The following GPHN variants were observed in gnomAD, a reference collection of about 807,000 sequenced individuals.
GPHN encodes gephyrin.
In GPHN, 17 loss-of-function variants were observed where a neutral mutation model predicts 95.5. The observed-to-expected ratio is 0.18, with a 90% CI of 0.12 to 0.27. The LOEUF (loss-of-function observed/expected upper bound fraction) is 0.27, where lower values mean the gene tolerates loss of function less well. GPHN is among the 10% of genes least tolerant of loss of function. The pLI is 1.00. For missense variants in GPHN, 660 were observed against 978.1 expected, an observed-to-expected ratio of 0.67 and a Z score of 4.34; for synonymous variants, 320 against 322.5, an observed-to-expected ratio of 0.99 and a Z score of 0.08.
At chr14:67,511,979 G>A in the GPHN span, among the ~76,000 whole-genome samples, 3 of 152,216 alleles carry the variant, frequency 2.0e-5, no homozygotes, top group South Asian at 2.1e-4. Context: ...GCAGCATGGG[G>A]CATCCCACAG....
intron 2 of GPHN, among the ~76,000 whole-genome samples, chr14:66,690,325 A>G (rs1017150511): frequency 3.3e-5 from 5 of 152,080 alleles, no homozygotes; most frequent in African/African-American, 4.8e-5. Context: ...CAATTTCCCT[A>G]TATTCTCACA....
chr14:67,082,024 C>T (rs112432778), intron 11 of GPHN, among the ~76,000 whole-genome samples: 1 of 151,976 alleles, frequency 6.6e-6, no homozygotes, highest in Admixed American at 6.6e-5. Flanking sequence ...TTTGAAGTCA[C>T]GTAGTGTGAT....
chr14:67,387,331 A>T, the GPHN span: 1 of 1,609,350 alleles, frequency 6.2e-7, no homozygotes, highest in Non-Finnish European at 8.5e-7. Flanking sequence ...GGTCCTTGTC[A>T]TGTTAGCTTT....
At chr14:66,672,143 T>C (rs1420244697) in intron 1 of GPHN, among the ~76,000 whole-genome samples, 1 of 152,164 alleles carries the variant, frequency 6.6e-6, no homozygotes, top group Non-Finnish European at 1.5e-5. Context: ...TAAATTATGG[T>C]ATCATTATTT....
At chr14:67,283,718 A>G in the GPHN span, among the ~76,000 whole-genome samples, 15 of 152,322 alleles carry the variant, frequency 9.8e-5, no homozygotes, top group East Asian at 9.6e-4. Context: ...AATTAGACCT[A>G]AAGATGTAAA....
intron 10 of GPHN, among the ~76,000 whole-genome samples, chr14:67,033,209 T>A (rs1203671009): frequency 1.3e-5 from 2 of 151,970 alleles, no homozygotes; most frequent in Admixed American, 6.5e-5. Flanking sequence ...GGAAGACAGG[T>A]CATTTGAAAT....
At chr14:67,328,817 G>A in the GPHN span, among the ~76,000 whole-genome samples, 1,812 of 152,290 alleles carry the variant, frequency 0.012, 19 homozygotes, top group Non-Finnish European at 0.018. Context: ...TGAGGGCTCT[G>A]TTCTGTTCCA....
At chr14:66,726,922 T>C (rs1460223049) in intron 2 of GPHN, among the ~76,000 whole-genome samples, 1 of 152,214 alleles carries the variant, frequency 6.6e-6, no homozygotes, top group Non-Finnish European at 1.5e-5. Context: ...AAGGTATATA[T>C]GAAACATAAA....
At chr14:67,432,754 G>A in the GPHN span, among the ~76,000 whole-genome samples, 2,235 of 152,164 alleles carry the variant, frequency 0.015, 28 homozygotes, top group Middle Eastern at 0.048. Flanking sequence ...GGAGAATCTC[G>A]GGCTTCTCTG....
Position 67,143,465 on chromosome 14 carries a change from C to T in GPHN, c.1836+16C>T. The T allele has an allele frequency of 6.9e-7, 1 of 1,457,068 alleles. No individual in the cohort carries two copies. The highest frequency in any genetic ancestry group is 9.6e-7 in the Non-Finnish European group (1 of 1,036,800). The allele number at this position is 1,457,068 out of a possible 1,614,324, so 90.3% of individuals were successfully genotyped here. On this transcript the variant is annotated intron_variant, in intron 18 of 22. Transcript: ENST00000478722. ...GGGGGAAAAGGTATGAAAGATAGGG[C>T]TCGTGAAAATGTATCTGCTGTAATG...
At chr14:66,796,784 CTA>C (rs1371102160) in intron 3 of GPHN, among the ~76,000 whole-genome samples, 2 of 151,946 alleles carry the variant, frequency 1.3e-5, no homozygotes, top group African/African-American at 4.8e-5. Flanking sequence ...TCTCTTCACT[CTA>C]TTGATTGACC....
At chr14:67,321,106 C>G in the GPHN span, 1 of 1,614,152 alleles carries the variant, frequency 6.2e-7, no homozygotes, top group Admixed American at 1.7e-5. Context: ...GAGATTACCA[C>G]TTTGTTTCGC....
chr14:66,572,650 A>AC, intron 1 of GPHN, among the ~76,000 whole-genome samples: 1 of 150,188 alleles, frequency 6.7e-6, no homozygotes, highest in South Asian at 2.1e-4. Context: ...GTTAGTTTTA[A>AC]CTTTTTTTTT....
intron 4 of GPHN, among the ~76,000 whole-genome samples, chr14:66,830,814 AT>A (rs2061553612): frequency 6.6e-6 from 1 of 151,912 alleles, no homozygotes; most frequent in Non-Finnish European, 1.5e-5. Flanking sequence ...TTTTCTACAA[AT>A]TTTTTTCACT....
At chr14:66,938,256 A>C (rs2067229867) in intron 8 of GPHN, among the ~76,000 whole-genome samples, 1 of 152,204 alleles carries the variant, frequency 6.6e-6, no homozygotes, top group Non-Finnish European at 1.5e-5. Flanking sequence ...AATTTGGAGG[A>C]AGTCAGAATC....
chr14:67,334,354 G>C, the GPHN span: 1 of 152,734 alleles, frequency 6.5e-6, no homozygotes, highest in South Asian at 2.1e-4. Context: ...TTAGGATAGT[G>C]TGATGTGTAA....
At chr14:66,776,337 T>G (rs891649505) in intron 2 of GPHN, 127 bp from the exon 3 acceptor site, 1 of 734,124 alleles carries the variant, frequency 1.4e-6, no homozygotes, top group African/African-American at 1.7e-5. Flanking sequence ...ATGGTTGTTT[T>G]TCCTCCATGG....
chr14:66,607,699 G>A (rs1462360557), intron 1 of GPHN, among the ~76,000 whole-genome samples: 1 of 151,740 alleles, frequency 6.6e-6, no homozygotes, highest in Non-Finnish European at 1.5e-5. Context: ...GGTCTTTTCA[G>A]GTTTTCACTT....
At chr14:67,362,402 A>G in the GPHN span, among the ~76,000 whole-genome samples, 1 of 152,224 alleles carries the variant, frequency 6.6e-6, no homozygotes, top group Non-Finnish European at 1.5e-5. Context: ...ATTATATTAC[A>G]AAATGGAAAT....
Sources: gnomAD v4.1 joint callset for allele counts (sites outside exome capture counted in the v4.1 genomes callset) on GRCh38, gnomAD v4.1.1 for gene constraint, MANE v1.5 for transcripts, NCBI Gene and HGNC (gene_info 2026-07-23, HGNC 2026-07-21) for gene names.